Variants in ITPRID2 observed in about 807,000 individuals in gnomAD.
ITPRID2 encodes ITPR interacting domain containing 2.
In ITPRID2, 60 loss-of-function variants were observed where a neutral mutation model predicts 124.3. That is an observed-to-expected ratio of 0.48 (90% CI 0.39 to 0.60). The LOEUF is 0.60. Among genes scored for constraint, ITPRID2 ranks in the 20% least tolerant of loss-of-function variants. The pLI, the probability that ITPRID2 is intolerant of heterozygous loss-of-function variation, is 0.00. For missense variants in ITPRID2, 1,553 were observed against 1,512.2 expected (o/e 1.03, Z -0.45); for synonymous variants, 521 against 542.9 (o/e 0.96, Z 0.56).
Position 181,918,786 on chromosome 2 carries a change from G to A in ITPRID2, c.2897G>A (p.Arg966Gln), listed in dbSNP as rs757781061. ...TTTCAGGAGCTCCAGGTAATGAGGC[G>A]GAGCCTGAATTTGTTTAGAACACAA... ...NTFQELQVMRRSLNLFRTQMM... is the reference protein window; with the variant it reads ...NTFQELQVMRQSLNLFRTQMM... Residue 966 changes from arginine (R) to glutamine (Q), a missense_variant, in exon 13 of 18, where the codon CGG becomes CAG. By Grantham distance (43) the Arg-to-Gln change is conservative. Transcript: ENST00000431877. 1.5e-5 allele frequency: 25 copies of A among 1,614,056 alleles called. No individual in the cohort carries two copies. Among genetic ancestry groups the A allele is most frequent in the South Asian group, 5.5e-5 (5 of 91,066 alleles).
At position 181,900,546 on chromosome 2, in the gene ITPRID2, T is replaced by C. The variant is rs1692579376; in HGVS notation, c.504-150T>C. The C allele has an allele frequency of 6.3e-6, 4 of 632,264 alleles. 1 individual carries two copies. In the South Asian group the frequency reaches 8.5e-5, roughly 13 times the overall value. The allele number at this position is 632,264 out of a possible 1,614,324, so 39.2% of individuals were successfully genotyped here. ...ATTCCCCAGTACACATGTGTAAACATGGTAAAATAAATAATGGTTTCCAGA... is the reference window on the plus strand; with the variant it reads ...ATTCCCCAGTACACATGTGTAAACACGGTAAAATAAATAATGGTTTCCAGA... On this transcript the variant is annotated intron_variant, in intron 6 of 17. Transcript: ENST00000431877.
intron 6 of ITPRID2, among the ~76,000 whole-genome samples, chr2:181,899,887 A>G (rs1205803398): frequency 6.6e-6 from 1 of 152,216 alleles, no homozygotes; most frequent in Non-Finnish European, 1.5e-5. Flanking sequence ...CATATAGTAT[A>G]TTAAAATACA....
chr2:181,903,631 G>A (rs1379171336), intron 8 of ITPRID2, among the ~76,000 whole-genome samples: 1 of 151,404 alleles, frequency 6.6e-6, no homozygotes, highest in African/African-American at 2.4e-5. Context: ...ACTGAATAGT[G>A]AAATAAAAAG....
At chr2:181,924,932 T>C (rs1694737437) in intron 16 of ITPRID2, among the ~76,000 whole-genome samples, 1 of 152,224 alleles carries the variant, frequency 6.6e-6, no homozygotes, top group African/African-American at 2.4e-5. Context: ...ACTTTAAAAA[T>C]GTATAAATGT....
chr2:181,913,112 G>C (rs1316072361), intron 9 of ITPRID2, among the ~76,000 whole-genome samples: 1 of 151,516 alleles, frequency 6.6e-6, no homozygotes, highest in East Asian at 1.9e-4. Flanking sequence ...CTGTCGCCCA[G>C]GCTGGAGTGC....
At position 181,929,920 on chromosome 2, in the gene ITPRID2, C is replaced by T. The variant is rs1695160740; in HGVS notation, c.*373C>T. On this transcript the variant is annotated 3_prime_UTR_variant, in exon 18 of 18. Transcript: ENST00000431877. ...GACTAACATCTTAAAACACTGACCTCTATGAGGTATTTACTGTGCAATAAC... is the reference window on the plus strand; with the variant it reads ...GACTAACATCTTAAAACACTGACCTTTATGAGGTATTTACTGTGCAATAAC... The T allele has an allele frequency of 4.2e-6, 1 of 237,326 alleles. No individual in the cohort carries two copies. Among genetic ancestry groups the T allele is most frequent in the Non-Finnish European group, 8.1e-6 (1 of 123,944 alleles). The allele number at this position is 237,326 out of a possible 1,614,324, so 14.7% of individuals were successfully genotyped here.
At chr2:181,914,603 A>T (rs1276535348) in intron 10 of ITPRID2, among the ~76,000 whole-genome samples, 1 of 152,220 alleles carries the variant, frequency 6.6e-6, no homozygotes, top group Non-Finnish European at 1.5e-5. Context: ...AACTTTCAGA[A>T]GGTATGGAAG....
chr2:181,897,950 G>A (rs907631117), intron 4 of ITPRID2, among the ~76,000 whole-genome samples: 2 of 151,832 alleles, frequency 1.3e-5, no homozygotes, highest in Non-Finnish European at 2.9e-5. Context: ...CAGTACAATT[G>A]AACATGTTGT....
chr2:181,923,136 C>T (rs1694606833), intron 16 of ITPRID2, among the ~76,000 whole-genome samples: 2 of 152,066 alleles, frequency 1.3e-5, no homozygotes, highest in African/African-American at 4.8e-5. Context: ...AAGGAAATTA[C>T]ATATGATTAG....
chr2:181,905,708 CTG>C lies in ITPRID2; in HGVS notation c.1413+3244_1413+3245del, dbSNP rs1406704501. ...TTTTAAGCTACTGATGTGTTAGTAACTGTTTCTAATCCTGTCTTCATACTAAT... is the reference window on the plus strand; with the variant it reads ...TTTTAAGCTACTGATGTGTTAGTAACTTTCTAATCCTGTCTTCATACTAAT... On this transcript the variant is annotated intron_variant, in intron 8 of 17. Coordinates refer to ENST00000431877, the MANE Select transcript of ITPRID2 (RefSeq NM_001130445.3). This position sits in a 1 kb window ranked among gnomAD's most constrained non-coding sequence, Gnocchi z 4.1. Among the ~76,000 whole-genome samples, 2 of 152,146 alleles carry C rather than the reference CTG, an allele frequency of 1.3e-5. No homozygotes were observed. The highest frequency in any genetic ancestry group is 1.3e-4 in the Admixed American group (2 of 15,258).
intron 2 of ITPRID2, among the ~76,000 whole-genome samples, chr2:181,895,065 C>T (rs898356587): frequency 6.6e-6 from 1 of 152,046 alleles, no homozygotes; most frequent in Non-Finnish European, 1.5e-5. Flanking sequence ...TTCAAAAGCA[C>T]TAAGTTTTAA....
intron 17 of ITPRID2, among the ~76,000 whole-genome samples, chr2:181,928,657 G>A (rs373657462): frequency 4.0e-5 from 6 of 148,648 alleles, no homozygotes; most frequent in East Asian, 4.0e-4. Flanking sequence ...ACAGAGTCTC[G>A]CTCTGTCGCC....
intron 16 of ITPRID2, among the ~76,000 whole-genome samples, chr2:181,922,927 A>T (rs1694583259): frequency 6.6e-6 from 1 of 152,214 alleles, no homozygotes; most frequent in Admixed American, 6.5e-5. Context: ...ATCTCAAAAA[A>T]AAAAGAAACT....
At chr2:181,895,767 T>C (rs1692151700) in intron 2 of ITPRID2, among the ~76,000 whole-genome samples, 1 of 152,032 alleles carries the variant, frequency 6.6e-6, no homozygotes, top group Non-Finnish European at 1.5e-5. Context: ...TTCAAATCAT[T>C]TGTCATTGCC....
rs1201148746 is a variant in ITPRID2 at position 181,916,158 on chromosome 2, T to A, written c.2518T>A (p.Ser840Thr). The stretch of plus-strand genomic sequence containing the variant: ...TTCACGGCTTGCTCCACCACCAATG[T>A]CTCAGTCTACCTGTTCCCTTCATTC... The part of the protein sequence containing the change: ...TCSRLAPPPM[S>T]QSTCSLHSIH... The change falls in exon 11 of 18, where the codon TCT becomes ACT. Residue 840 changes from serine (S) to threonine (T), a missense_variant. Transcript: ENST00000431877. 1 of 1,614,214 alleles carries A rather than the reference T, an allele frequency of 6.2e-7. No individual in the cohort carries two copies. Among genetic ancestry groups the A allele is most frequent in the South Asian group, 1.1e-5 (1 of 91,088 alleles).
chr2:181,903,400 A>G (rs569617861), intron 8 of ITPRID2, among the ~76,000 whole-genome samples: 5 of 152,346 alleles, frequency 3.3e-5, no homozygotes, highest in African/African-American at 1.2e-4. Context: ...GATGCGTTTT[A>G]GTAATAGTTC....
chr2:181,903,801 CTGTT>C (rs560449012), intron 8 of ITPRID2, among the ~76,000 whole-genome samples: 166 of 152,206 alleles, frequency 1.1e-3, no homozygotes, highest in South Asian at 8.1e-3. Flanking sequence ...ATTAAAACCT[CTGTT>C]TGTTCTTTTT....
chr2:181,893,171 T>C (rs1393417579), intron 2 of ITPRID2: 1 of 159,882 alleles, frequency 6.3e-6, no homozygotes, highest in Non-Finnish European at 1.4e-5. Flanking sequence ...AACATGGAAT[T>C]GTCAGATGGC....
Position 181,916,211 on chromosome 2 carries a change from C to T in ITPRID2, c.2571C>T (p.Pro857=), listed in dbSNP as rs1320498390. ...HSIHSEWQER[P]LCEHTRTLST... ...TCCACTCTGAGTGGCAAGAAAGGCC[C>T]CTGTGTGAGCACACAAGAACTCTGA... Residue 857 remains proline (P), a synonymous_variant, in exon 11 of 18, where the codon CCC becomes CCT. Transcript: ENST00000431877. 2 of 1,614,082 alleles carry T rather than the reference C, an allele frequency of 1.2e-6. No homozygotes were observed. Among genetic ancestry groups the T allele is most frequent in the Non-Finnish European group, 1.7e-6 (2 of 1,180,046 alleles).
Sources: gnomAD v4.1 joint callset for allele counts (sites outside exome capture counted in the v4.1 genomes callset) on GRCh38, gnomAD v4.1.1 for gene constraint, Gnocchi (gnomAD v3.1) non-coding constraint, MANE v1.5 for transcripts, NCBI Gene and HGNC (gene_info 2026-07-23, HGNC 2026-07-21) for gene names.